OCA2: variants seen among roughly 807,000 people sequenced by gnomAD.
OCA2 encodes P protein.
In OCA2, 77 loss-of-function variants were observed where a neutral mutation model predicts 100.2. The observed-to-expected ratio is 0.77, with a 90% CI of 0.64 to 0.93. OCA2 has a LOEUF of 0.93. Ranked by LOEUF, OCA2 falls within the 40% of genes least tolerant of loss-of-function variation. The pLI, the probability that OCA2 is intolerant of heterozygous loss-of-function variation, is 0.00. For missense variants in OCA2, 1,062 were observed against 1,089.1 expected (o/e 0.98, Z 0.35); for synonymous variants, 432 against 439.2 (o/e 0.98, Z 0.21).
chr15:28,039,604 T>G (rs2043142969), intron 2 of OCA2, among the ~76,000 whole-genome samples: 1 of 152,188 alleles, frequency 6.6e-6, no homozygotes, highest in Admixed American at 6.5e-5. Context: ...GCTTTGAAAT[T>G]CCTATGTTGA....
intron 8 of OCA2, 141 bp downstream of exon 8, chr15:28,015,963 C>T (rs191953038): frequency 5.5e-6 from 4 of 730,208 alleles, no homozygotes; most frequent in African/African-American, 1.7e-5. Context: ...AGCTCACTGT[C>T]TACACAGCAT....
chr15:27,997,775 G>A (rs1223838083), intron 9 of OCA2, among the ~76,000 whole-genome samples: 1 of 127,398 alleles, frequency 7.8e-6, no homozygotes, highest in Non-Finnish European at 1.9e-5. Context: ...GGGCAGTATG[G>A]CCATTTTCAC....
At chr15:27,890,527 C>T (rs1365474107) in intron 19 of OCA2, among the ~76,000 whole-genome samples, 1 of 152,068 alleles carries the variant, frequency 6.6e-6, no homozygotes, top group Non-Finnish European at 1.5e-5. Flanking sequence ...TTCTCTGACA[C>T]CAGGAGAGAG....
chr15:28,081,728 G>A lies in OCA2; in HGVS notation c.147C>T (p.His49=). The part of the protein sequence containing the change: ...PRGAGGADPS[H]SCPRGAAGQS... ...GCCCGGCAGCCCCCCTGGGGCAGGA[G>A]TGCGAGGGGTCAGCTCCACCGGCTC... Residue 49 remains histidine (H), a synonymous_variant, in exon 2 of 24, where the codon CAC becomes CAT. Coordinates refer to ENST00000354638, the MANE Select transcript of OCA2 (RefSeq NM_000275.3). The A allele has an allele frequency of 1.9e-6, 3 of 1,613,672 alleles. No homozygotes were observed. Among genetic ancestry groups the A allele is most frequent in the Non-Finnish European group, 2.5e-6 (3 of 1,179,924 alleles).
intron 19 of OCA2, among the ~76,000 whole-genome samples, chr15:27,890,341 A>C (rs2037404570): frequency 6.6e-6 from 1 of 152,244 alleles, no homozygotes; most frequent in African/African-American, 2.4e-5. Context: ...CAAACCTACA[A>C]ATTCAAGAAG....
chr15:27,891,060 G>A (rs2442124), intron 19 of OCA2, among the ~76,000 whole-genome samples: 64,135 of 151,296 alleles, frequency 0.42, 15,502 homozygotes, highest in African/African-American at 0.64. Flanking sequence ...GCATCAGGAA[G>A]CAAAAGGAAC....
At chr15:27,842,958 A>G (rs2035396074) in intron 23 of OCA2, among the ~76,000 whole-genome samples, 1 of 152,242 alleles carries the variant, frequency 6.6e-6, no homozygotes, top group South Asian at 2.1e-4. Context: ...GGTGGAGTGG[A>G]CGCAAACCCT....
chr15:27,970,888 C>T (rs973952528), intron 14 of OCA2, among the ~76,000 whole-genome samples: 1 of 149,930 alleles, frequency 6.7e-6, no homozygotes, highest in African/African-American at 2.5e-5. Context: ...AAGAACGTGG[C>T]AGCACCCACG....
chr15:28,015,586 G>A (rs1039807242), intron 8 of OCA2, among the ~76,000 whole-genome samples: 1 of 152,170 alleles, frequency 6.6e-6, no homozygotes, highest in Non-Finnish European at 1.5e-5. Flanking sequence ...GACAGGCACA[G>A]AGGGATGGTC....
chr15:28,081,835 C>A lies in OCA2; in HGVS notation c.40G>T (p.Ala14Ser). Reference sequence around the variant, plus strand: ...GTCTGCAGGAGCTCCACCGCCGGCGCGCCGGGGTACCGCCTGCCGTCTCTG... The same window carrying A: ...GTCTGCAGGAGCTCCACCGCCGGCGAGCCGGGGTACCGCCTGCCGTCTCTG... ...EGRDGRRYPG[A>S]PAVELLQTSV... Residue 14 changes from alanine (A) to serine (S), a missense_variant, in exon 2 of 24, where the codon GCG becomes TCG. Ala to Ser is a moderately conservative substitution (Grantham distance 99, BLOSUM62 1). Transcript: ENST00000354638. 6.2e-7 allele frequency: 1 copy of A among 1,611,630 alleles called. No homozygotes were observed. The highest frequency in any genetic ancestry group is 8.5e-7 in the Non-Finnish European group (1 of 1,179,746).
intron 19 of OCA2, among the ~76,000 whole-genome samples, chr15:27,921,465 A>C (rs957316519): frequency 2.0e-5 from 3 of 152,206 alleles, no homozygotes; most frequent in Non-Finnish European, 4.4e-5. Flanking sequence ...CTTCAGGCTG[A>C]CATCATGTGG....
At chr15:27,785,195 T>A (rs1566961511) in intron 23 of OCA2, among the ~76,000 whole-genome samples, 1 of 152,184 alleles carries the variant, frequency 6.6e-6, no homozygotes, top group Non-Finnish European at 1.5e-5. Flanking sequence ...GAAAAAAATA[T>A]GTCAACACAA....
chr15:27,824,344 GGCAACAACTGTGAAA>G (rs952850431), intron 23 of OCA2, among the ~76,000 whole-genome samples: 12 of 151,758 alleles, frequency 7.9e-5, no homozygotes, highest in African/African-American at 2.9e-4. Flanking sequence ...CTCCTGCCTG[GGCAACAACTGTGAAA>G]CTCTGTCTCA....
intron 9 of OCA2, among the ~76,000 whole-genome samples, chr15:28,004,067 C>T (rs962722967): frequency 6.6e-5 from 10 of 152,264 alleles, no homozygotes; most frequent in African/African-American, 2.2e-4. Flanking sequence ...ACACCCTGCT[C>T]TTCCTTCCTG....
intron 15 of OCA2, among the ~76,000 whole-genome samples, chr15:27,965,994 A>G (rs932997456): frequency 4.0e-5 from 6 of 149,852 alleles, no homozygotes; most frequent in Non-Finnish European, 8.8e-5. Flanking sequence ...TTTTTGAGAC[A>G]GAGTTTCACT....
intron 23 of OCA2, among the ~76,000 whole-genome samples, chr15:27,788,897 A>T (rs2032947999): frequency 6.6e-6 from 1 of 151,958 alleles, no homozygotes; most frequent in African/African-American, 2.4e-5. Context: ...AGTAATTGCC[A>T]TTGAGATTTC....
At chr15:28,041,259 A>AC (rs35717941) in intron 2 of OCA2, among the ~76,000 whole-genome samples, 43,937 of 149,608 alleles carry the variant, frequency 0.29, 10,719 homozygotes, top group African/African-American at 0.67. Flanking sequence ...AAGAAAAAAA[A>AC]ACGTGAGCAT....
At chr15:27,856,701 A>AACACACACAC (rs34330347) in intron 21 of OCA2, among the ~76,000 whole-genome samples, 1 of 145,698 alleles carries the variant, frequency 6.9e-6, no homozygotes, top group African/African-American at 2.5e-5. Context: ...ACACACCCCT[A>AACACACACAC]ACACACACAC....
At chr15:27,953,569 G>A (rs1354693801) in intron 17 of OCA2, among the ~76,000 whole-genome samples, 4 of 152,194 alleles carry the variant, frequency 2.6e-5, no homozygotes, top group African/African-American at 9.6e-5. Flanking sequence ...CCTTCCCTGA[G>A]GTCGCAGCAA....
Sources: gnomAD v4.1 joint callset for allele counts (sites outside exome capture counted in the v4.1 genomes callset) on GRCh38, gnomAD v4.1.1 for gene constraint, MANE v1.5 for transcripts, NCBI Gene and HGNC (gene_info 2026-07-23, HGNC 2026-07-21) for gene names.